The following USP33 variants were observed in gnomAD, a reference collection of about 807,000 sequenced individuals.
USP33 encodes ubiquitin carboxyl-terminal hydrolase 33.
USP33 carries 46 observed loss-of-function variants against 124.2 expected under a neutral mutation model. That is an observed-to-expected ratio of 0.37 (90% CI 0.29 to 0.47). The LOEUF is 0.47. Ranked by LOEUF, USP33 falls within the 20% of genes least tolerant of loss-of-function variation. USP33 has a pLI of 0.99. For missense variants in USP33, 851 were observed against 1,070.6 expected (o/e 0.79, Z 2.86); for synonymous variants, 350 against 352.3 (o/e 0.99, Z 0.07).
intron 22 of USP33, among the ~76,000 whole-genome samples, chr1:77,698,958 A>G (rs1557805402): frequency 1.3e-5 from 2 of 152,336 alleles, no homozygotes; most frequent in Non-Finnish European, 2.9e-5. Context: ...ATTATAAAAG[A>G]AACCGTTTAA....
intron 6 of USP33, among the ~76,000 whole-genome samples, chr1:77,734,750 T>A (rs2101508463): frequency 6.6e-6 from 1 of 152,334 alleles, no homozygotes; most frequent in African/African-American, 2.4e-5. Context: ...TTGAGAAAAT[T>A]AATGACAATG....
At chr1:77,751,388 C>T (rs570052356) in intron 1 of USP33, among the ~76,000 whole-genome samples, 2 of 152,194 alleles carry the variant, frequency 1.3e-5, no homozygotes, top group South Asian at 2.1e-4. Flanking sequence ...CATGGTGGCT[C>T]GCACCTGTAA....
chr1:77,751,715 G>A (rs1680352448), intron 1 of USP33, among the ~76,000 whole-genome samples: 1 of 151,700 alleles, frequency 6.6e-6, no homozygotes, highest in Non-Finnish European at 1.5e-5. Context: ...TTGAGACGGA[G>A]TCTTGCTCTG....
chr1:77,709,544 T>G (rs909212760), intron 21 of USP33, among the ~76,000 whole-genome samples: 1 of 150,866 alleles, frequency 6.6e-6, no homozygotes, highest in Non-Finnish European at 1.5e-5. Context: ...TATAGATATA[T>G]ATAGATACAT....
chr1:77,711,968 A>C, intron 20 of USP33, 113 bp from the exon 21 acceptor site: 1 of 1,087,712 alleles, frequency 9.2e-7, no homozygotes, highest in Non-Finnish European at 1.3e-6. Context: ...TCTCAAAGTA[A>C]TATAAAAATC....
chr1:77,725,729 G>GACA lies in USP33; in HGVS notation c.1166_1168dup (p.Leu389dup), dbSNP rs759775800. The GACA allele has an allele frequency of 2.5e-6, 4 of 1,613,758 alleles. No homozygotes were observed. Among genetic ancestry groups the GACA allele is most frequent in the Non-Finnish European group, 3.4e-6 (4 of 1,179,936 alleles). On this transcript the variant is annotated inframe_insertion, in exon 11 of 24. Coordinates refer to ENST00000370794, the MANE Select transcript of USP33 (RefSeq NM_201624.3). ...ATTTGATGGAAGGATCTGTGGTGTA[G>GACA]ACAGGTCATTCGAATGGACATCAGT...
At chr1:77,721,717 T>C in intron 14 of USP33, 114 bp downstream of exon 14, 1 of 882,056 alleles carries the variant, frequency 1.1e-6, no homozygotes, top group Non-Finnish European at 1.7e-6. Context: ...AATATGTGAA[T>C]GTACTATTAA....
chr1:77,731,352 G>A (rs990851270), intron 7 of USP33, among the ~76,000 whole-genome samples: 1 of 152,072 alleles, frequency 6.6e-6, no homozygotes, highest in African/African-American at 2.4e-5. Flanking sequence ...TTTGTTGGTG[G>A]CTCAAGTTAG....
intron 21 of USP33, among the ~76,000 whole-genome samples, chr1:77,702,157 AAAAAAAAAAAAAAAAAAAAAC>A (rs1278656296): frequency 7.2e-6 from 1 of 138,748 alleles, no homozygotes; most frequent in Non-Finnish European, 1.5e-5. Flanking sequence ...AAAAAAAAAA[AAAAAAAAAAAAAAAAAAAAAC>A]CAGTGGTACA....
rs540883856 is a variant in USP33, at chr1:77,715,983, T to C, written c.1919-115A>G. The C allele has an allele frequency of 4.6e-5, 53 of 1,149,202 alleles. No individual in the cohort carries two copies. In the African/African-American group the frequency reaches 7.2e-4, roughly 16 times the overall value. 71.2% of individuals were successfully genotyped at this position (1,149,202 alleles called of 1,614,324 possible). A position where few individuals can be genotyped will look rare whatever the true frequency, so the allele number is the denominator to read the frequency against. On this transcript the variant is annotated intron_variant, in intron 17 of 23. Transcript: ENST00000370794. ...AGTAGCTGGAATATAGGAAGAATTA[T>C]GCTTGTATTTTTTTTTCAGTTTGCA...
At chr1:77,725,500 G>A in intron 11 of USP33, 122 bp downstream of exon 11, 1 of 1,341,416 alleles carries the variant, frequency 7.5e-7, no homozygotes, top group Non-Finnish European at 1.0e-6. Flanking sequence ...GTAAAATTAT[G>A]CTATCAATTT....
At chr1:77,733,358 A>C (rs1570812613) in intron 7 of USP33, among the ~76,000 whole-genome samples, 2 of 151,572 alleles carry the variant, frequency 1.3e-5, no homozygotes, top group Non-Finnish European at 2.9e-5. Context: ...GTGCCACTGC[A>C]CTCTAACCTG....
intron 1 of USP33, among the ~76,000 whole-genome samples, chr1:77,753,261 G>T (rs747086059): frequency 3.3e-5 from 5 of 151,768 alleles, no homozygotes; most frequent in Non-Finnish European, 1.5e-5. Context: ...TTAATCAACA[G>T]AACACTAGGT....
At position 77,697,945 on chromosome 1, in the gene USP33, T is replaced by C. The variant is rs748203718; in HGVS notation, c.2510-14A>G. 3 of 1,580,692 alleles carry C rather than the reference T, an allele frequency of 1.9e-6. No individual in the cohort carries two copies. Among genetic ancestry groups the C allele is most frequent in the Non-Finnish European group, 2.6e-6 (3 of 1,168,396 alleles). On this transcript the variant is annotated splice_polypyrimidine_tract_variant and intron_variant, in intron 22 of 23. Coordinates refer to ENST00000370794, the MANE Select transcript of USP33 (RefSeq NM_201624.3). ...GACCTGGAGGATCTAAAGGAAAAAATATCAAAATGTATTTTTCAAAGAAAT... is the reference window on the plus strand; with the variant it reads ...GACCTGGAGGATCTAAAGGAAAAAACATCAAAATGTATTTTTCAAAGAAAT...
intron 1 of USP33, among the ~76,000 whole-genome samples, chr1:77,745,215 A>G (rs1300205794): frequency 2.0e-5 from 3 of 152,164 alleles, no homozygotes; most frequent in Non-Finnish European, 4.4e-5. Context: ...GATGGTTTAA[A>G]GCCTGTTTTA....
At chr1:77,705,944 A>C (rs757465993) in intron 21 of USP33, among the ~76,000 whole-genome samples, 1 of 152,190 alleles carries the variant, frequency 6.6e-6, no homozygotes, top group Non-Finnish European at 1.5e-5. Flanking sequence ...ACTTGGCATA[A>C]TGTTTCTACT....
chr1:77,749,721 G>T (rs919912927), intron 1 of USP33, among the ~76,000 whole-genome samples: 2 of 151,998 alleles, frequency 1.3e-5, no homozygotes, highest in Non-Finnish European at 2.9e-5. Context: ...AGTACTGAGC[G>T]CTTTGTTTAC....
Position 77,701,482 on chromosome 1 carries a change from GA to G in USP33, c.2407-12del, listed in dbSNP as rs745680662. On this transcript the variant is annotated splice_polypyrimidine_tract_variant and intron_variant, in intron 21 of 23. Coordinates refer to ENST00000370794, the MANE Select transcript of USP33 (RefSeq NM_201624.3). ...GAACGCTCTGTTAAGCTACAAGGGG[GA>G]AAAAAAACAGTCATCTAATATCTAA... 2.1e-4 allele frequency: 339 copies of G among 1,588,120 alleles called. No homozygotes were observed. The highest frequency in any genetic ancestry group is 2.5e-4 in the Non-Finnish European group (297 of 1,165,138).
At chr1:77,733,805 G>A (rs80314587) in intron 7 of USP33, among the ~76,000 whole-genome samples, 167 of 152,166 alleles carry the variant, frequency 1.1e-3, no homozygotes, top group African/African-American at 3.5e-3. Context: ...GTAGACATAC[G>A]TTCAATCTCC....
Sources: allele counts gnomAD v4.1 joint callset (sites outside exome capture counted in the v4.1 genomes callset), GRCh38; gene constraint gnomAD v4.1.1; transcripts MANE v1.5; gene names NCBI Gene and HGNC (gene_info 2026-07-23, HGNC 2026-07-21).